Variants in TFDP2 observed in about 807,000 individuals in gnomAD.
TFDP2 encodes transcription factor Dp-2.
TFDP2 carries 17 observed loss-of-function variants against 59.3 expected under a neutral mutation model. That is an observed-to-expected ratio of 0.29 (90% confidence interval 0.20 to 0.43). The LOEUF is 0.43. Among genes scored for constraint, TFDP2 ranks in the 20% least tolerant of loss-of-function variants. The probability of loss-of-function intolerance (pLI) is 1.00; values close to 1 mark genes in which losing one functional copy is unlikely to be tolerated. For synonymous variants in TFDP2, 180 were observed against 194.7 expected, an observed-to-expected ratio of 0.92 and a Z score of 0.63; for missense variants, 391 against 528.8, an observed-to-expected ratio of 0.74 and a Z score of 2.56.
At chr3:142,116,228 T>C (rs1455808552) in intron 1 of TFDP2, among the ~76,000 whole-genome samples, 1 of 152,174 alleles carries the variant, frequency 6.6e-6, no homozygotes, top group South Asian at 2.1e-4. Context: ...AACACTGGGC[T>C]AATTTTTAAA....
chr3:141,959,620 G>A (rs1410849567), intron 11 of TFDP2, 54 bp downstream of exon 11: 10 of 1,573,734 alleles, frequency 6.4e-6, no homozygotes, highest in Non-Finnish European at 7.8e-6. Context: ...GTTTTAACAA[G>A]TTTGGATTCA....
intron 3 of TFDP2, among the ~76,000 whole-genome samples, chr3:142,064,786 T>C (rs1334285169): frequency 6.6e-6 from 1 of 152,224 alleles, no homozygotes; most frequent in African/African-American, 2.4e-5. Context: ...CAGAGCAAAG[T>C]TGTATAATTC....
At position 142,025,499 on chromosome 3, in the gene TFDP2, G is replaced by GT. The variant is rs149688230; in HGVS notation, c.83-19956dup. 3.4e-4 allele frequency among the ~76,000 whole-genome samples: 52 copies of GT among 152,204 alleles called. No homozygotes were observed. In the South Asian group the frequency reaches 7.5e-3, roughly 22 times the overall value. The stretch of plus-strand genomic sequence containing the variant: ...TATTGTCATGTCTACATTTATAATT[G>GT]TAAGTGATACACATTTTTTATAATC... On this transcript the variant is annotated intron_variant, in intron 3 of 12. Transcript: ENST00000489671.
At chr3:142,098,934 T>A (rs1238382731) in intron 2 of TFDP2, among the ~76,000 whole-genome samples, 1 of 152,198 alleles carries the variant, frequency 6.6e-6, no homozygotes. Flanking sequence ...CATTCCACTT[T>A]TTGTGTTAAG....
chr3:142,095,181 G>A (rs945230328), intron 2 of TFDP2, among the ~76,000 whole-genome samples: 1 of 151,872 alleles, frequency 6.6e-6, no homozygotes, highest in Non-Finnish European at 1.5e-5. Context: ...GTAGAGACAG[G>A]GTTTCACCAT....
At chr3:141,998,129 G>A (rs1324361717) in intron 4 of TFDP2, among the ~76,000 whole-genome samples, 1 of 152,088 alleles carries the variant, frequency 6.6e-6, no homozygotes, top group African/African-American at 2.4e-5. Context: ...TGACGCACCT[G>A]AATAGGAAAG....
chr3:142,146,545 A>T (rs1560194230), intron 1 of TFDP2, among the ~76,000 whole-genome samples: 1 of 152,242 alleles, frequency 6.6e-6, no homozygotes, highest in African/African-American at 2.4e-5. Flanking sequence ...CAGGAAGGTT[A>T]GCCCCAAAGT....
At chr3:142,031,078 G>A (rs1179030887) in intron 3 of TFDP2, among the ~76,000 whole-genome samples, 2 of 151,980 alleles carry the variant, frequency 1.3e-5, no homozygotes, top group Admixed American at 6.6e-5. Context: ...GCACCCCCCC[G>A]GCCCTCCAAT....
At chr3:142,011,469 T>C (rs1437796141) in intron 3 of TFDP2, among the ~76,000 whole-genome samples, 4 of 122,354 alleles carry the variant, frequency 3.3e-5, no homozygotes, top group East Asian at 2.6e-4. Flanking sequence ...AGGGATAGCA[T>C]TGGGAGATAT....
intron 2 of TFDP2, chr3:142,093,975 G>A (rs1229186581): frequency 3.9e-6 from 2 of 511,656 alleles, no homozygotes; most frequent in African/African-American, 1.9e-5. Context: ...TATTATACTT[G>A]AGGGACTACC....
chr3:141,974,546 A>T (rs908866652), intron 7 of TFDP2, among the ~76,000 whole-genome samples: 1 of 152,156 alleles, frequency 6.6e-6, no homozygotes, highest in Non-Finnish European at 1.5e-5. Flanking sequence ...CCAACCCAAA[A>T]AAGTAAATAT....
chr3:142,093,018 A>G (rs1288631912), intron 3 of TFDP2, 43 bp downstream of exon 3: 2 of 1,356,628 alleles, frequency 1.5e-6, no homozygotes, highest in Non-Finnish European at 2.0e-6. Context: ...CAAATGCAAT[A>G]AAACTAACTT....
chr3:141,999,393 G>A (rs1327343769), intron 4 of TFDP2, among the ~76,000 whole-genome samples: 1 of 152,086 alleles, frequency 6.6e-6, no homozygotes, highest in Non-Finnish European at 1.5e-5. Context: ...TCAATAATAA[G>A]GTATTAATAG....
chr3:142,073,634 C>A (rs1170923753), intron 3 of TFDP2, among the ~76,000 whole-genome samples: 1 of 152,092 alleles, frequency 6.6e-6, no homozygotes, highest in African/African-American at 2.4e-5. Context: ...AAGAACAAAT[C>A]ACAGCTGGAA....
intron 3 of TFDP2, among the ~76,000 whole-genome samples, chr3:142,050,423 C>G (rs976907079): frequency 6.6e-6 from 1 of 151,690 alleles, no homozygotes; most frequent in East Asian, 1.9e-4. Flanking sequence ...TGGCGGGACA[C>G]GGTGGCTCAC....
At chr3:142,101,705 A>G (rs929863179) in intron 2 of TFDP2, 30 bp downstream of exon 2, 75 of 1,338,316 alleles carry the variant, frequency 5.6e-5, no homozygotes, top group Non-Finnish European at 7.3e-5. Context: ...TTTAAACAAT[A>G]CTTACATTAA....
At chr3:141,964,004 A>C (rs1937598241) in intron 9 of TFDP2, 41 bp from the exon 10 acceptor site, 2 of 1,569,032 alleles carry the variant, frequency 1.3e-6, no homozygotes, top group African/African-American at 2.7e-5. Flanking sequence ...ATTGTGCATA[A>C]GTGAGTTGGA....
intron 1 of TFDP2, among the ~76,000 whole-genome samples, chr3:142,123,426 G>A (rs902658899): frequency 5.3e-5 from 8 of 152,014 alleles, no homozygotes; most frequent in East Asian, 1.9e-4. Context: ...GAGCCATCGC[G>A]CCCAGCAATT....
intron 1 of TFDP2, among the ~76,000 whole-genome samples, chr3:142,118,832 A>T (rs1030058905): frequency 1.3e-5 from 2 of 152,188 alleles, no homozygotes; most frequent in Non-Finnish European, 2.9e-5. Context: ...GTCCCTAATT[A>T]AAAAAATCAA....
Sources: allele counts gnomAD v4.1 joint callset (sites outside exome capture counted in the v4.1 genomes callset), GRCh38; gene constraint gnomAD v4.1.1; transcripts MANE v1.5; gene names NCBI Gene and HGNC (gene_info 2026-07-23, HGNC 2026-07-21).